The following KALRN variants were observed in gnomAD, a reference collection of about 807,000 sequenced individuals.
The protein encoded by KALRN is kalirin.
A neutral mutation model predicts 353.7 loss-of-function variants in KALRN; 70 were observed. That is an observed-to-expected ratio of 0.20 (90% CI 0.16 to 0.24). KALRN has a LOEUF of 0.24. Among genes scored for constraint, KALRN ranks in the 10% least tolerant of loss-of-function variants. The probability of loss-of-function intolerance (pLI) is 1.00; values close to 1 mark genes in which losing one functional copy is unlikely to be tolerated. For missense variants in KALRN, 2,791 were observed against 3,756.7 expected, an observed-to-expected ratio of 0.74 and a Z score of 6.72; for synonymous variants, 1,391 against 1,434.8, an observed-to-expected ratio of 0.97 and a Z score of 0.69.
At chr3:124,330,286 A>ACACACACACC (rs1005282030) in intron 8 of KALRN, among the ~76,000 whole-genome samples, 10 of 132,402 alleles carry the variant, frequency 7.6e-5, no homozygotes, top group Non-Finnish European at 1.2e-4. Context: ...ACACACACAC[A>ACACACACACC]CCCCATACAC....
chr3:124,509,509 C>T (rs1253122574), intron 33 of KALRN, among the ~76,000 whole-genome samples: 1 of 152,204 alleles, frequency 6.6e-6, no homozygotes, highest in Non-Finnish European at 1.5e-5. Context: ...CTCCCAACCA[C>T]ATTTAGTATT....
chr3:124,347,069 A>G, intron 9 of KALRN, 74 bp from the exon 10 acceptor site: 3 of 1,604,028 alleles, frequency 1.9e-6, no homozygotes, highest in Non-Finnish European at 2.6e-6. Flanking sequence ...TTAGGACTCT[A>G]GCAGTTGCAC....
chr3:124,448,773 T>G (rs529913186), intron 21 of KALRN, among the ~76,000 whole-genome samples: 1 of 152,354 alleles, frequency 6.6e-6, no homozygotes, highest in Admixed American at 6.5e-5. Context: ...ATTGCCTATA[T>G]AAGCCGACAG....
chr3:124,651,162 T>C (rs1427003937), intron 38 of KALRN, among the ~76,000 whole-genome samples: 1 of 152,250 alleles, frequency 6.6e-6, no homozygotes, highest in Non-Finnish European at 1.5e-5. Context: ...TAGCAGCTAT[T>C]ACTGACAAAG....
intron 10 of KALRN, among the ~76,000 whole-genome samples, chr3:124,375,746 T>C (rs1361048712): frequency 6.6e-6 from 1 of 152,222 alleles, no homozygotes; most frequent in Non-Finnish European, 1.5e-5. Flanking sequence ...ATTATTTCTT[T>C]TGCTTTCCTG....
intron 1 of KALRN, among the ~76,000 whole-genome samples, chr3:124,202,689 A>G (rs1457889257): frequency 6.6e-6 from 1 of 151,828 alleles, no homozygotes; most frequent in Non-Finnish European, 1.5e-5. Context: ...CATTTGTGGT[A>G]TTTGCTTGTC....
rs1315893900 is a variant in KALRN, at chr3:124,629,384, C to CA, written c.5183-3034dup. Among the ~76,000 whole-genome samples, 253 of 151,552 alleles carry CA rather than the reference C, an allele frequency of 1.7e-3. 3 individuals carry two copies. The highest frequency in any genetic ancestry group is 6.0e-3 in the African/African-American group (247 of 41,202). ...GTTAAAAACAAAGCAGTAACAACAA[C>CA]AACAAAAAAAACTCTTTTTATCATG... On this transcript the variant is annotated intron_variant, in intron 34 of 59. Coordinates refer to ENST00000682506, the MANE Select transcript of KALRN (RefSeq NM_001388419.1).
chr3:124,077,487 C>T (rs984276767), intron 1 of KALRN, among the ~76,000 whole-genome samples: 1 of 152,102 alleles, frequency 6.6e-6, no homozygotes, highest in African/African-American at 2.4e-5. Context: ...TACTCTTTCC[C>T]ATGGCATGCA....
At chr3:124,120,615 T>C (rs545708601) in intron 1 of KALRN, among the ~76,000 whole-genome samples, 1 of 151,718 alleles carries the variant, frequency 6.6e-6, no homozygotes, top group East Asian at 1.9e-4. Flanking sequence ...ATGAGCCATG[T>C]GCCTAGAACT....
At chr3:124,561,972 C>T (rs898165264) in intron 33 of KALRN, among the ~76,000 whole-genome samples, 9 of 152,208 alleles carry the variant, frequency 5.9e-5, no homozygotes, top group African/African-American at 1.9e-4. Flanking sequence ...TGAGAAGTCT[C>T]AGCATTCAGC....
At chr3:124,287,799 ATATATATATATATATATATATATATATG>A (rs1182334034) in intron 5 of KALRN, among the ~76,000 whole-genome samples, 23 of 19,194 alleles carry the variant, frequency 1.2e-3, no homozygotes, top group African/African-American at 2.0e-3. Flanking sequence ...ATATATATAT[ATATATATATATATATATATATATATATG>A]TATATAATTT....
chr3:124,121,295 A>G (rs1412545795), intron 1 of KALRN, among the ~76,000 whole-genome samples: 1 of 152,186 alleles, frequency 6.6e-6, no homozygotes, highest in Admixed American at 6.5e-5. Context: ...TTCTATCTCC[A>G]GAATCTAGCA....
At chr3:124,181,202 G>T (rs1195393009) in intron 1 of KALRN, among the ~76,000 whole-genome samples, 3 of 150,808 alleles carry the variant, frequency 2.0e-5, no homozygotes, top group African/African-American at 7.3e-5. Flanking sequence ...AGTAAGCCAA[G>T]ATCTCACCAC....
At chr3:124,555,381 T>C (rs2071101583) in intron 33 of KALRN, among the ~76,000 whole-genome samples, 1 of 151,544 alleles carries the variant, frequency 6.6e-6, no homozygotes, top group East Asian at 1.9e-4. Context: ...ACCACTGCAC[T>C]CCAGCCTGGG....
chr3:124,253,258 A>C (rs1025693580), intron 3 of KALRN, among the ~76,000 whole-genome samples: 6 of 152,164 alleles, frequency 3.9e-5, no homozygotes, highest in Admixed American at 3.9e-4. Context: ...TTCTGGCACA[A>C]ATGGGTCAGG....
At chr3:124,135,537 A>T (rs895217723) in intron 1 of KALRN, among the ~76,000 whole-genome samples, 1 of 152,182 alleles carries the variant, frequency 6.6e-6, no homozygotes, top group Admixed American at 6.5e-5. Flanking sequence ...AATAAAATTT[A>T]AAAAATAGGT....
chr3:124,653,008 C>T (rs939186296), intron 38 of KALRN, among the ~76,000 whole-genome samples: 18 of 152,356 alleles, frequency 1.2e-4, no homozygotes, highest in African/African-American at 4.3e-4. Context: ...TCCCTCTTCT[C>T]ATTCTTGCCA....
chr3:124,133,687 T>C (rs1363520266), intron 1 of KALRN, among the ~76,000 whole-genome samples: 1 of 152,214 alleles, frequency 6.6e-6, no homozygotes, highest in Non-Finnish European at 1.5e-5. Flanking sequence ...GTTTGGATAC[T>C]GACAAATCCT....
intron 34 of KALRN, among the ~76,000 whole-genome samples, chr3:124,599,695 A>T (rs1253960420): frequency 1.3e-4 from 20 of 152,188 alleles, no homozygotes; most frequent in Non-Finnish European, 1.5e-5. Flanking sequence ...CCACAAAGGG[A>T]TTTAAAAACC....
Sources: gnomAD v4.1 joint callset for allele counts (sites outside exome capture counted in the v4.1 genomes callset) on GRCh38, gnomAD v4.1.1 for gene constraint, MANE v1.5 for transcripts, NCBI Gene and HGNC (gene_info 2026-07-23, HGNC 2026-07-21) for gene names.